Variants in CNTF observed in about 807,000 individuals in gnomAD.
CNTF encodes the protein ciliary neurotrophic factor.
In CNTF, 14 loss-of-function variants were observed where a neutral mutation model predicts 13.0. That is an observed-to-expected ratio of 1.07 (90% CI 0.71 to 1.68). CNTF has a LOEUF of 1.68. CNTF is among the 40% of genes most tolerant of loss of function. CNTF has a pLI of 0.00. For synonymous variants in CNTF, 98 were observed against 92.4 expected (o/e 1.06, Z -0.35); for missense variants, 283 against 252.5 (o/e 1.12, Z -0.82).
chr11:58,624,608 C>T lies in CNTF; in HGVS notation c.*86C>T, dbSNP rs552222909. The T allele has an allele frequency of 2.6e-5, 39 of 1,519,504 alleles. 1 individual carries two copies. The South Asian group carries it at 4.4e-4, about 17-fold the overall frequency. 94.1% of individuals were successfully genotyped at this position (1,519,504 alleles called of 1,614,324 possible). ...GGCCTCGCTTTCCCATCTTAAATTTCTAAAAACAGTTAAGACAACAGGCAT... is the reference window on the plus strand; with the variant it reads ...GGCCTCGCTTTCCCATCTTAAATTTTTAAAAACAGTTAAGACAACAGGCAT... On this transcript the variant is annotated 3_prime_UTR_variant, in exon 2 of 2. Coordinates refer to ENST00000361987, the MANE Select transcript of CNTF (RefSeq NM_000614.4).
chr11:58,624,111 G>A lies in CNTF; in HGVS notation c.192G>A (p.Trp64Ter). 1.9e-6 allele frequency: 3 copies of A among 1,612,516 alleles called. No individual in the cohort carries two copies. The highest frequency in any genetic ancestry group is 2.5e-6 in the Non-Finnish European group (3 of 1,179,072). Residue 64 changes from tryptophan (W) to a stop codon, truncating the protein, a stop_gained, in exon 2 of 2, where the codon TGG becomes TGA. Transcript: ENST00000361987. LOFTEE classifies it high-confidence loss of function. ...TGCCAGTGGCAAGCACTGATCAGTG[G>A]AGTGAGCTGACCGAGGCAGAGCGAC... is the stretch of plus-strand genomic sequence containing the variant. ...DGMPVASTDQ[W>*]SELTEAERLQ...
Position 58,624,504 on chromosome 11 carries a change from T to G in CNTF, c.585T>G (p.Ala195=). The G allele has an allele frequency of 6.2e-7, 1 of 1,614,054 alleles. No individual in the cohort carries two copies. Among genetic ancestry groups the G allele is most frequent in the Non-Finnish European group, 8.5e-7 (1 of 1,179,980 alleles). Residue 195 remains alanine, a synonymous_variant, in exon 2 of 2, where the codon GCT becomes GCG. Transcript: ENST00000361987. ...CAGCACGTGGGAGCCATTATATTGC[T>G]AACAACAAGAAAATGTAGCAGTTAG... ...GIPARGSHYI[A]NNKKM
Position 58,624,432 on chromosome 11 carries a change from G to T in CNTF, c.513G>T (p.Arg171Ser). The T allele has an allele frequency of 6.2e-7, 1 of 1,613,988 alleles. No individual in the cohort carries two copies. Among genetic ancestry groups the T allele is most frequent in the Non-Finnish European group, 8.5e-7 (1 of 1,179,980 alleles). ...AGGAGCTTTCACAGTGGACAGTAAGGTCCATCCATGACCTTCGTTTCATTT... is the reference window on the plus strand; with the variant it reads ...AGGAGCTTTCACAGTGGACAGTAAGTTCCATCCATGACCTTCGTTTCATTT... ...VLQELSQWTV[R>S]SIHDLRFISS... The change falls in exon 2 of 2, where the codon AGG becomes AGT. Residue 171 changes from arginine (R) to serine (S), a missense_variant. Physicochemically the swap from Arg to Ser is moderately radical, Grantham distance 110. Coordinates refer to ENST00000361987, the MANE Select transcript of CNTF (RefSeq NM_000614.4).
rs929039032 is a variant in CNTF at position 58,625,433 on chromosome 11, C to G, written c.*911C>G. ...GAAAATGATTAGGCCCGCCAAACTT[C>G]TGAACTTTGGAAGCTGGGGATGTTT... On this transcript the variant is annotated 3_prime_UTR_variant, in exon 2 of 2. Transcript: ENST00000361987. 5 of 152,160 alleles carry G rather than the reference C, an allele frequency of 3.3e-5. No homozygotes were observed. Among genetic ancestry groups the G allele is most frequent in the African/African-American group, 1.2e-4 (5 of 41,440 alleles). 9.4% of individuals were successfully genotyped at this position (152,160 alleles called of 1,614,324 possible).
chr11:58,623,219 T>C (rs774651020), intron 1 of CNTF, among the ~76,000 whole-genome samples: 1 of 152,204 alleles, frequency 6.6e-6, no homozygotes, highest in Non-Finnish European at 1.5e-5. Context: ...TTCTGAATTT[T>C]TTAGCTATGT....
In CNTF at chr11:58,622,919, G is replaced by A. The variant is rs1855873842; in HGVS notation, c.114+53G>A. The A allele has an allele frequency of 2.4e-6, 3 of 1,259,230 alleles. No homozygotes were observed. In the South Asian group the frequency reaches 3.7e-5, roughly 16 times the overall value. 78.0% of individuals were successfully genotyped at this position (1,259,230 alleles called of 1,614,324 possible). A position where few individuals can be genotyped will look rare whatever the true frequency, so the allele number is the denominator to read the frequency against. On this transcript the variant is annotated intron_variant, in intron 1 of 1. Transcript: ENST00000361987. ...TTTTCCCTTCATCTTTTTTGATCCA[G>A]CAACTTACCATCACGCATCAGCTCC... is the stretch of plus-strand genomic sequence containing the variant.
chr11:58,623,931 C>G, intron 1 of CNTF, 103 bp from the exon 2 acceptor site: 1 of 1,481,374 alleles, frequency 6.8e-7, no homozygotes, highest in Non-Finnish European at 9.1e-7. Flanking sequence ...AACTTGGATC[C>G]TTGGCCAGAG....
At chr11:58,622,964 C>G (rs1855874587) in intron 1 of CNTF, 98 bp downstream of exon 1, 8 of 834,774 alleles carry the variant, frequency 9.6e-6, no homozygotes, top group South Asian at 2.9e-5. Context: ...TGTGAAAGCT[C>G]TAATCATATA....
chr11:58,624,641 C>CT lies in CNTF; in HGVS notation c.*125dup, dbSNP rs1291070344. ...AGTTAAGACAACAGGCATTTTCTTT[C>CT]TTTTTTCTCTGACCACCTGCAGCCT... On this transcript the variant is annotated 3_prime_UTR_variant, in exon 2 of 2. Coordinates refer to ENST00000361987, the MANE Select transcript of CNTF (RefSeq NM_000614.4). The CT allele has an allele frequency of 8.7e-6, 11 of 1,259,564 alleles. No homozygotes were observed. The highest frequency in any genetic ancestry group is 1.2e-5 in the Non-Finnish European group (11 of 892,072). 78.0% of individuals were successfully genotyped at this position (1,259,564 alleles called of 1,614,324 possible). A position where few individuals can be genotyped will look rare whatever the true frequency, so the allele number is the denominator to read the frequency against.
chr11:58,625,077 G>C lies in CNTF; in HGVS notation c.*555G>C, dbSNP rs1855912270. ...CGTTTACAACCTTGTGAGCAAGGTGGTGTTACTCCCATTAGGTAGATGAGA... is the reference window on the plus strand; with the variant it reads ...CGTTTACAACCTTGTGAGCAAGGTGCTGTTACTCCCATTAGGTAGATGAGA... On this transcript the variant is annotated 3_prime_UTR_variant, in exon 2 of 2. Coordinates refer to ENST00000361987, the MANE Select transcript of CNTF (RefSeq NM_000614.4). 6.5e-6 allele frequency: 1 copy of C among 153,624 alleles called. No individual in the cohort carries two copies. The highest frequency in any genetic ancestry group is 1.4e-5 in the Non-Finnish European group (1 of 69,080). The allele number at this position is 153,624 out of a possible 1,614,324, so 9.5% of individuals were successfully genotyped here. A position where few individuals can be genotyped will look rare whatever the true frequency, so the allele number is the denominator to read the frequency against.
rs953603278 is a variant in CNTF at position 58,624,161 on chromosome 11, G to A, written c.242G>A (p.Arg81His). 7 of 1,613,892 alleles carry A rather than the reference G, an allele frequency of 4.3e-6. No homozygotes were observed. The highest frequency in any genetic ancestry group is 4.0e-5 in the African/African-American group (3 of 74,854). ...CTCCAAGAGAACCTTCAAGCTTATC[G>A]TACCTTCCATGTTTTGTTGGCCAGG... ...ERLQENLQAYRTFHVLLARLL... is the reference protein window; with the variant it reads ...ERLQENLQAYHTFHVLLARLL... Residue 81 changes from arginine (R) to histidine (H), a missense_variant, in exon 2 of 2, where the codon CGT (arginine) becomes CAT (histidine). Transcript: ENST00000361987.
In CNTF at chr11:58,624,033, G is replaced by C. The variant is rs1419018763; in HGVS notation, c.115-1G>C. 1 of 1,611,962 alleles carries C rather than the reference G, an allele frequency of 6.2e-7. No homozygotes were observed. Among genetic ancestry groups the C allele is most frequent in the Non-Finnish European group, 8.5e-7 (1 of 1,179,102 alleles). On this transcript the variant is annotated splice_acceptor_variant, in intron 1 of 1. Coordinates refer to ENST00000361987, the MANE Select transcript of CNTF (RefSeq NM_000614.4). LOFTEE classifies it high-confidence loss of function. Reference sequence around the variant, plus strand: ...TGGTGTTTTCCTGTATCCTCGGCCAGGTGAAGCATCAGGGCCTGAACAAGA... The same window carrying C: ...TGGTGTTTTCCTGTATCCTCGGCCACGTGAAGCATCAGGGCCTGAACAAGA...
In CNTF at chr11:58,624,085, A is replaced by T. The variant is rs771878930; in HGVS notation, c.166A>T (p.Met56Leu). ...CATCAACCTGGACTCTGCGGATGGG[A>T]TGCCAGTGGCAAGCACTGATCAGTG... ...KNINLDSADG[M>L]PVASTDQWSE... Residue 56 changes from methionine to leucine, a missense_variant, in exon 2 of 2, where the codon ATG becomes TTG. By Grantham distance (15) the Met-to-Leu change is conservative (BLOSUM62 2). Coordinates refer to ENST00000361987, the MANE Select transcript of CNTF (RefSeq NM_000614.4). 1.0e-4 allele frequency: 166 copies of T among 1,611,582 alleles called. No individual in the cohort carries two copies. The highest frequency in any genetic ancestry group is 1.3e-4 in the Non-Finnish European group (157 of 1,178,706).
rs1431613891 is a variant in CNTF, at chr11:58,625,140, T to A, written c.*618T>A. The A allele has an allele frequency of 6.5e-6, 1 of 152,950 alleles. No individual in the cohort carries two copies. Among genetic ancestry groups the A allele is most frequent in the Non-Finnish European group, 1.5e-5 (1 of 68,580 alleles). The allele number at this position is 152,950 out of a possible 1,614,324, so 9.5% of individuals were successfully genotyped here. Reference sequence around the variant, plus strand: ...AGAGATTTGGTTAAGCTCACACAGCTAACAAGTAGCACACTGAGTTTGAAC... The same window carrying A: ...AGAGATTTGGTTAAGCTCACACAGCAAACAAGTAGCACACTGAGTTTGAAC... On this transcript the variant is annotated 3_prime_UTR_variant, in exon 2 of 2. Transcript: ENST00000361987.
chr11:58,624,187 C>T lies in CNTF; in HGVS notation c.268C>T (p.Leu90Phe). The T allele has an allele frequency of 1.2e-6, 2 of 1,613,982 alleles. No individual in the cohort carries two copies. The highest frequency in any genetic ancestry group is 1.7e-6 in the Non-Finnish European group (2 of 1,179,994). ...YRTFHVLLAR[L>F]LEDQQVHFTP... Reference sequence around the variant, plus strand: ...TACCTTCCATGTTTTGTTGGCCAGGCTCTTAGAAGACCAGCAGGTGCATTT... The same window carrying T: ...TACCTTCCATGTTTTGTTGGCCAGGTTCTTAGAAGACCAGCAGGTGCATTT... Residue 90 changes from leucine (L) to phenylalanine (F), a missense_variant, in exon 2 of 2, where the codon CTC becomes TTC. Transcript: ENST00000361987.
rs145968911 is a variant in CNTF, at chr11:58,624,484, C to T, written c.565C>T (p.Arg189Cys). The stretch of plus-strand genomic sequence containing the variant: ...TTCTCATCAGACTGGGATCCCAGCA[C>T]GTGGGAGCCATTATATTGCTAACAA... ...ISSHQTGIPA[R>C]GSHYIANNKK... Residue 189 changes from arginine to cysteine, a missense_variant, in exon 2 of 2, where the codon CGT becomes TGT. Transcript: ENST00000361987. 1,704 of 1,613,834 alleles carry T rather than the reference C, an allele frequency of 1.1e-3. 15 individuals are homozygous for T. The highest frequency in any genetic ancestry group is 3.5e-3 in the Middle Eastern group (21 of 6,082).
chr11:58,624,527 T>C lies in CNTF; in HGVS notation c.*5T>C. 1 of 1,613,400 alleles carries C rather than the reference T, an allele frequency of 6.2e-7. No individual in the cohort carries two copies. Among genetic ancestry groups the C allele is most frequent in the Non-Finnish European group, 8.5e-7 (1 of 1,179,940 alleles). ...GCTAACAACAAGAAAATGTAGCAGT[T>C]AGTCCCTTCTCTCTTCCTTGCTTTC... On this transcript the variant is annotated 3_prime_UTR_variant, in exon 2 of 2. Transcript: ENST00000361987.
In CNTF at chr11:58,625,525, A is replaced by G. The variant is rs1212303776; in HGVS notation, c.*1003A>G. ...AAATATTGGGTTGGGCACGGCTTAT[A>G]CCAGGTTACCTCACTTTTAATTAGT... On this transcript the variant is annotated 3_prime_UTR_variant, in exon 2 of 2. Transcript: ENST00000361987. 3 of 152,210 alleles carry G rather than the reference A, an allele frequency of 2.0e-5. No homozygotes were observed. Among genetic ancestry groups the G allele is most frequent in the African/African-American group, 7.2e-5 (3 of 41,430 alleles). The allele number at this position is 152,210 out of a possible 1,614,324, so 9.4% of individuals were successfully genotyped here. A position where few individuals can be genotyped will look rare whatever the true frequency, so the allele number is the denominator to read the frequency against.
chr11:58,624,616 A>C lies in CNTF; in HGVS notation c.*94A>C, dbSNP rs1229073278. The stretch of plus-strand genomic sequence containing the variant: ...TTTCCCATCTTAAATTTCTAAAAAC[A>C]GTTAAGACAACAGGCATTTTCTTTC... On this transcript the variant is annotated 3_prime_UTR_variant, in exon 2 of 2. Coordinates refer to ENST00000361987, the MANE Select transcript of CNTF (RefSeq NM_000614.4). 2.3e-5 allele frequency: 34 copies of C among 1,473,860 alleles called. No individual in the cohort carries two copies. The highest frequency in any genetic ancestry group is 3.0e-5 in the Non-Finnish European group (32 of 1,071,608). The allele number at this position is 1,473,860 out of a possible 1,614,324, so 91.3% of individuals were successfully genotyped here.
Sources: gnomAD v4.1 joint callset for allele counts (sites outside exome capture counted in the v4.1 genomes callset) on GRCh38, gnomAD v4.1.1 for gene constraint, MANE v1.5 for transcripts, NCBI Gene and HGNC (gene_info 2026-07-23, HGNC 2026-07-21) for gene names.